Variants in SEC24B observed in about 807,000 individuals in gnomAD.
The protein encoded by SEC24B is protein transport protein Sec24B.
A neutral mutation model predicts 142.8 loss-of-function variants in SEC24B; 45 were observed. The ratio of observed to expected loss-of-function variants is 0.32; its 90% confidence interval spans 0.25 to 0.40. The LOEUF (loss-of-function observed/expected upper bound fraction) is 0.40. SEC24B is among the 10% of genes least tolerant of loss of function. SEC24B has a pLI of 1.00. For synonymous variants in SEC24B, 574 were observed against 568.2 expected (o/e 1.01, Z -0.15); for missense variants, 1,409 against 1,526.8 (o/e 0.92, Z 1.29).
At chr4:109,487,087 C>T (rs1734436714) in intron 4 of SEC24B, among the ~76,000 whole-genome samples, 1 of 151,054 alleles carries the variant, frequency 6.6e-6, no homozygotes, top group Non-Finnish European at 1.5e-5. Context: ...ATCACTTGAA[C>T]CCGGGAGACA....
chr4:109,491,755 A>G (rs1053239225), intron 5 of SEC24B, among the ~76,000 whole-genome samples: 6 of 152,082 alleles, frequency 3.9e-5, no homozygotes, highest in Middle Eastern at 3.4e-3. Flanking sequence ...ATTCTTTTCA[A>G]CCAGCCTCTG....
rs781122956 is a variant in SEC24B, at chr4:109,521,149, G to A, written c.2278G>A (p.Val760Met). 1 of 1,524,156 alleles carries A rather than the reference G, an allele frequency of 6.6e-7. No homozygotes were observed. Among genetic ancestry groups the A allele is most frequent in the Non-Finnish European group, 9.1e-7 (1 of 1,102,954 alleles). The allele number at this position is 1,524,156 out of a possible 1,614,324, so 94.4% of individuals were successfully genotyped here. ...TCTACCTACACCGGATAGTTTACTTGTGAATCTATATGAAAGTAAAGAGGT... is the reference window on the plus strand; with the variant it reads ...TCTACCTACACCGGATAGTTTACTTATGAATCTATATGAAAGTAAAGAGGT... Reference protein sequence around the residue: ...VFLPTPDSLLVNLYESKELIK... With the variant: ...VFLPTPDSLLMNLYESKELIK... The change falls in exon 13 of 24, where the codon GTG becomes ATG. Residue 760 changes from valine to methionine, a missense_variant. Val to Met is a conservative substitution (Grantham distance 21). This residue lies in a region of SEC24B where 700 missense variants were observed against 853.3 expected (regional missense o/e 0.82). Transcript: ENST00000265175.
At chr4:109,476,531 T>G (rs1733158219) in intron 3 of SEC24B, among the ~76,000 whole-genome samples, 1 of 125,384 alleles carries the variant, frequency 8.0e-6, no homozygotes, top group Non-Finnish European at 1.5e-5. Context: ...TGAGAAACAT[T>G]GTTCACATAA....
chr4:109,481,609 A>G (rs1033618943), intron 3 of SEC24B, 68 bp from the exon 4 acceptor site: 6 of 1,066,036 alleles, frequency 5.6e-6, no homozygotes, highest in South Asian at 3.5e-5. Flanking sequence ...TTTTAATGCA[A>G]TGTCAAATTT....
rs1232305624 is a variant in SEC24B at position 109,510,073 on chromosome 4, C to T, written c.1738C>T (p.Pro580Ser). The change falls in exon 8 of 24, where the codon CCT (proline) becomes TCT (serine). Residue 580 changes from proline (P) to serine (S), a missense_variant. Physicochemically the swap from Pro to Ser is moderately conservative, Grantham distance 74. This residue lies in a region of SEC24B where 700 missense variants were observed against 853.3 expected (regional missense o/e 0.82). Transcript: ENST00000265175. ...TQALLNKAKL[P>S]LGLLLHPFRD... ...GGCTTTACTGAATAAAGCTAAGCTT[C>T]CTTTAGGATTGTTGTTACATCCCTT... The T allele has an allele frequency of 6.2e-7, 1 of 1,609,916 alleles. No homozygotes were observed. The highest frequency in any genetic ancestry group is 2.2e-5 in the East Asian group (1 of 44,570).
intron 11 of SEC24B, among the ~76,000 whole-genome samples, chr4:109,519,621 G>C (rs1341403716): frequency 6.6e-6 from 1 of 152,160 alleles, no homozygotes; most frequent in Non-Finnish European, 1.5e-5. Context: ...GTGAAGATTA[G>C]TCTGTGGAAA....
At chr4:109,460,689 A>C (rs1284514357) in intron 1 of SEC24B, among the ~76,000 whole-genome samples, 1 of 151,878 alleles carries the variant, frequency 6.6e-6, no homozygotes. Flanking sequence ...TAATAATACT[A>C]TTTACTTTAG....
chr4:109,437,153 A>G (rs1488663469), intron 1 of SEC24B, among the ~76,000 whole-genome samples: 2 of 152,218 alleles, frequency 1.3e-5, no homozygotes, highest in African/African-American at 2.4e-5. Context: ...TCAGGTAGGT[A>G]GTGTCAGAAT....
rs1293239995 is a variant in SEC24B at position 109,526,227 on chromosome 4, T to A, written c.2793T>A (p.Gly931=). The A allele has an allele frequency of 1.2e-6, 2 of 1,612,852 alleles. No homozygotes were observed. The highest frequency in any genetic ancestry group is 1.7e-6 in the Non-Finnish European group (2 of 1,179,646). Residue 931 remains glycine, a splice_region_variant and synonymous_variant, in exon 17 of 24, where the codon GGT becomes GGA. Coordinates refer to ENST00000265175, the MANE Select transcript of SEC24B (RefSeq NM_006323.5). ...EAVMRIRCTK[G]LSMHTFHGNF... is the part of the protein sequence containing the mutation. ...TTTTTATGATTTTCTCCTTTTTAGG[T>A]CTTTCAATGCACACTTTTCACGGTA...
At chr4:109,434,284 C>T (rs909679310) in intron 1 of SEC24B, among the ~76,000 whole-genome samples, 1 of 152,102 alleles carries the variant, frequency 6.6e-6, no homozygotes, top group South Asian at 2.1e-4. Context: ...TAATGCGACC[C>T]CAGGCCCGAA....
chr4:109,459,746 A>G (rs1039024836), intron 1 of SEC24B, among the ~76,000 whole-genome samples: 1 of 152,212 alleles, frequency 6.6e-6, no homozygotes, highest in Non-Finnish European at 1.5e-5. Context: ...TAGTTGGGAC[A>G]TAATGATTAT....
chr4:109,520,554 T>C (rs1723495937), intron 12 of SEC24B, 70 bp downstream of exon 12: 1 of 843,820 alleles, frequency 1.2e-6, no homozygotes, highest in Non-Finnish European at 2.0e-6. Flanking sequence ...TATTTTAATA[T>C]ACACCTTGCT....
intron 4 of SEC24B, among the ~76,000 whole-genome samples, chr4:109,484,478 A>G (rs936451354): frequency 2.0e-5 from 3 of 152,200 alleles, no homozygotes; most frequent in Non-Finnish European, 4.4e-5. Flanking sequence ...TAAAATTAAT[A>G]AGTCATTTGT....
At chr4:109,518,727 C>T (rs2126066051) in intron 11 of SEC24B, among the ~76,000 whole-genome samples, 1 of 151,722 alleles carries the variant, frequency 6.6e-6, no homozygotes, top group Middle Eastern at 3.5e-3. Context: ...ATAGCTTTAA[C>T]AGTGAGTGGC....
At chr4:109,536,879 G>A (rs984968961) in intron 22 of SEC24B, among the ~76,000 whole-genome samples, 10 of 151,220 alleles carry the variant, frequency 6.6e-5, no homozygotes, top group African/African-American at 1.7e-4. Context: ...TTTGTAAGTC[G>A]GTGATTCAAA....
chr4:109,477,522 T>TA lies in SEC24B; in HGVS notation c.1061-4154dup, dbSNP rs1733303067. Among the ~76,000 whole-genome samples, 3 of 151,962 alleles carry TA rather than the reference T, an allele frequency of 2.0e-5. No individual in the cohort carries two copies. The South Asian group carries it at 6.2e-4, about 31-fold the overall frequency. On this transcript the variant is annotated intron_variant, in intron 3 of 23. Transcript: ENST00000265175. ...AAAATTATTTGTAGAGATGAGGTCT[T>TA]ACAGTGTTGCCCAGGCTGGTCTTGA...
At chr4:109,504,165 C>T (rs1295305963) in intron 6 of SEC24B, among the ~76,000 whole-genome samples, 4 of 152,120 alleles carry the variant, frequency 2.6e-5, no homozygotes, top group African/African-American at 4.8e-5. Flanking sequence ...CACCACTTTT[C>T]TTGCTGAGGA....
In SEC24B at chr4:109,463,468, T is replaced by C. The variant is rs192938684; in HGVS notation, c.701T>C (p.Ile234Thr). 1.9e-4 allele frequency: 309 copies of C among 1,614,170 alleles called. 1 individual carries two copies. In the Middle Eastern group the frequency reaches 2.1e-3, roughly 11 times the overall value. Reference sequence around the variant, plus strand: ...TCATTCTCTGGTCAAAATACAGCTATCAGCCATCCATCGCCACTTCCACCT... The same window carrying C: ...TCATTCTCTGGTCAAAATACAGCTACCAGCCATCCATCGCCACTTCCACCT... Reference protein sequence around the residue: ...DNSFSGQNTAISHPSPLPPLP... With the variant: ...DNSFSGQNTATSHPSPLPPLP... Residue 234 changes from isoleucine to threonine, a missense_variant, in exon 2 of 24, where the codon ATC becomes ACC. Ile to Thr is a moderately conservative substitution (Grantham distance 89). Around this residue, in one of 2 missense-constraint regions of SEC24B, gnomAD observed 709 missense variants for 673.5 expected, o/e 1.05. Transcript: ENST00000265175.
At chr4:109,522,434 T>A (rs1723745249) in intron 14 of SEC24B, among the ~76,000 whole-genome samples, 1 of 152,206 alleles carries the variant, frequency 6.6e-6, no homozygotes, top group Non-Finnish European at 1.5e-5. Context: ...AATTTAGAAA[T>A]CATTTAGTCT....
Sources: gnomAD v4.1 joint callset for allele counts (sites outside exome capture counted in the v4.1 genomes callset) on GRCh38, gnomAD v4.1.1 for gene constraint, gnomAD v4.1.1 regional missense constraint, MANE v1.5 for transcripts, NCBI Gene and HGNC (gene_info 2026-07-23, HGNC 2026-07-21) for gene names.